NCAPH2: variants seen among roughly 807,000 people sequenced by gnomAD.
The protein encoded by NCAPH2 is condensin-2 complex subunit H2.
A neutral mutation model predicts 88.6 loss-of-function variants in NCAPH2; 56 were observed. The ratio of observed to expected loss-of-function variants is 0.63; its 90% CI spans 0.51 to 0.79. The LOEUF is 0.79. Among genes scored for constraint, NCAPH2 ranks in the 30% least tolerant of loss-of-function variants. NCAPH2 has a pLI of 0.00. For synonymous variants in NCAPH2, 378 were observed against 313.6 expected, an observed-to-expected ratio of 1.21 and a Z score of -2.17; for missense variants, 794 against 792.0, an observed-to-expected ratio of 1.00 and a Z score of -0.03.
rs2269388 is a variant in NCAPH2 at position 50,517,713 on chromosome 22, C to T, written c.352-28C>T. The T allele has an allele frequency of 6.5e-3, 10,549 of 1,614,016 alleles. 575 individuals carry two copies. In the Admixed American group the frequency reaches 0.11, roughly 17 times the overall value. ...GCCCACTGTGTGTTTGCCTGGGCTC[C>T]GCCCCCACGAGCTCTGTCTCCCTCC... is the stretch of plus-strand genomic sequence containing the variant. On this transcript the variant is annotated intron_variant, in intron 4 of 19. Transcript: ENST00000420993.
At chr22:50,513,018 G>A (rs1292194036) in intron 1 of NCAPH2, among the ~76,000 whole-genome samples, 1 of 152,220 alleles carries the variant, frequency 6.6e-6, no homozygotes, top group Non-Finnish European at 1.5e-5. Context: ...TGGGAAGACG[G>A]GTCCAAGAGA....
rs140523 is a variant in NCAPH2 at position 50,524,353 on chromosome 22, C to A, written c.*978C>A. 29 of 1,601,470 alleles carry A rather than the reference C, an allele frequency of 1.8e-5. No homozygotes were observed. The highest frequency in any genetic ancestry group is 3.3e-5 in the South Asian group (3 of 91,070). ...GCCTCCCAGGGTCCCAGGGAGGACCCGAGGCTTGAGCTGAGAGAGCCTGTG... is the reference window on the plus strand; with the variant it reads ...GCCTCCCAGGGTCCCAGGGAGGACCAGAGGCTTGAGCTGAGAGAGCCTGTG... On this transcript the variant is annotated 3_prime_UTR_variant, in exon 20 of 20. Transcript: ENST00000420993.
At chr22:50,517,370 G>C (rs1481262363) in intron 2 of NCAPH2, 57 bp from the exon 3 acceptor site, 2 of 1,578,264 alleles carry the variant, frequency 1.3e-6, no homozygotes, top group African/African-American at 2.7e-5. Context: ...TAGCTGGGAA[G>C]GCCTTGGGGG....
In NCAPH2 at chr22:50,522,886, C is replaced by A. The variant is rs752418806; in HGVS notation, c.1491C>A (p.Asp497Glu). 7 of 1,613,302 alleles carry A rather than the reference C, an allele frequency of 4.3e-6. No individual in the cohort carries two copies. The highest frequency in any genetic ancestry group is 5.9e-6 in the Non-Finnish European group (7 of 1,180,012). The stretch of plus-strand genomic sequence containing the variant: ...CAGAGCTGAGCCAGCGCATCAGGGA[C>A]TGGGAGGACACAGTGCAGCCTCTGC... The part of the protein sequence containing the change: ...QETELSQRIR[D>E]WEDTVQPLLQ... Residue 497 changes from aspartate to glutamate, a missense_variant, in exon 18 of 20, where the codon GAC becomes GAA. Coordinates refer to ENST00000420993, the MANE Select transcript of NCAPH2 (RefSeq NM_152299.4).
chr22:50,515,640 C>T (rs2068896780), intron 1 of NCAPH2: 6 of 1,088,778 alleles, frequency 5.5e-6, no homozygotes, highest in African/African-American at 5.0e-5. Flanking sequence ...TCATGATCTG[C>T]CCGCCTCGGC....
chr22:50,511,516 C>G (rs1240463430), intron 1 of NCAPH2, among the ~76,000 whole-genome samples: 1 of 142,986 alleles, frequency 7.0e-6, no homozygotes, highest in Non-Finnish European at 1.5e-5. Flanking sequence ...TGGTCTCGAT[C>G]TCCTGACCTC....
chr22:50,517,548 G>GAT, intron 3 of NCAPH2, 29 bp from the exon 4 acceptor site: 2 of 1,614,078 alleles, frequency 1.2e-6, no homozygotes, highest in African/African-American at 2.7e-5. Flanking sequence ...CAGCTCCTGG[G>GAT]ATGCCCACGG....
Position 50,523,957 on chromosome 22 carries a change from TC to T in NCAPH2, c.*584del, listed in dbSNP as rs760844614. ...CACTGGAGGCAAACCAGGCTCTGCTTCCAGCTGCCGCACCACCTGCACCAGC... is the reference window on the plus strand; with the variant it reads ...CACTGGAGGCAAACCAGGCTCTGCTTCAGCTGCCGCACCACCTGCACCAGC... On this transcript the variant is annotated 3_prime_UTR_variant, in exon 20 of 20. Coordinates refer to ENST00000420993, the MANE Select transcript of NCAPH2 (RefSeq NM_152299.4). 1 of 1,612,376 alleles carries T rather than the reference TC, an allele frequency of 6.2e-7. No homozygotes were observed. Among genetic ancestry groups the T allele is most frequent in the South Asian group, 1.1e-5 (1 of 91,064 alleles).
Position 50,523,127 on chromosome 22 carries a change from C to A in NCAPH2, c.1638C>A (p.Ala546=). 1.2e-6 allele frequency: 2 copies of A among 1,613,626 alleles called. No homozygotes were observed. Among genetic ancestry groups the A allele is most frequent in the Non-Finnish European group, 1.7e-6 (2 of 1,179,864 alleles). Residue 546 remains alanine, a synonymous_variant, in exon 19 of 20, where the codon GCC becomes GCA. Coordinates refer to ENST00000420993, the MANE Select transcript of NCAPH2 (RefSeq NM_152299.4). ...PFAELVAGQP[A]FEVCRSMLAS... is the part of the protein sequence containing the mutation. ...CGGAGCTGGTGGCTGGCCAGCCGGC[C>A]TTCGAGGTGTGTCGTTCCATGCTGG...
Position 50,509,429 on chromosome 22 carries a change from C to T in NCAPH2, c.108+984C>T, listed in dbSNP as rs569062884. Among the ~76,000 whole-genome samples, 51 of 152,258 alleles carry T rather than the reference C, an allele frequency of 3.3e-4. 1 individual carries two copies. Among genetic ancestry groups the T allele is most frequent in the African/African-American group, 1.2e-3 (50 of 41,540 alleles). Reference sequence around the variant, plus strand: ...CTTTTCCCATCTCGGAAAATGACACCGCTGTTCAACCAAAAGCAAAAGCTA... The same window carrying T: ...CTTTTCCCATCTCGGAAAATGACACTGCTGTTCAACCAAAAGCAAAAGCTA... On this transcript the variant is annotated intron_variant, in intron 1 of 19. Coordinates refer to ENST00000420993, the MANE Select transcript of NCAPH2 (RefSeq NM_152299.4).
intron 1 of NCAPH2, among the ~76,000 whole-genome samples, chr22:50,512,625 A>C (rs1229967636): frequency 4.2e-5 from 6 of 143,712 alleles, no homozygotes; most frequent in Non-Finnish European, 9.0e-5. Context: ...ATCATGGCTC[A>C]CTGCAGCCTC....
At chr22:50,513,958 T>G (rs187651641) in intron 1 of NCAPH2, among the ~76,000 whole-genome samples, 13 of 152,050 alleles carry the variant, frequency 8.5e-5, no homozygotes, top group African/African-American at 3.1e-4. Flanking sequence ...GGATTGGAGT[T>G]TTTACAAAAA....
chr22:50,521,530 G>A lies in NCAPH2; in HGVS notation c.934-13G>A. 2 of 1,613,418 alleles carry A rather than the reference G, an allele frequency of 1.2e-6. No individual in the cohort carries two copies. Among genetic ancestry groups the A allele is most frequent in the Non-Finnish European group, 1.7e-6 (2 of 1,179,942 alleles). On this transcript the variant is annotated splice_polypyrimidine_tract_variant and intron_variant, in intron 10 of 19. Coordinates refer to ENST00000420993, the MANE Select transcript of NCAPH2 (RefSeq NM_152299.4). ...CCCTACTTCTCCAGCGCCTTCTTGT[G>A]CTCTGTGCCCAGGAGACTCCAGACC...
rs28937598 is a variant in NCAPH2 at position 50,523,901 on chromosome 22, G to A, written c.*526G>A. The stretch of plus-strand genomic sequence containing the variant: ...CGGGCCATGGCTTCAACGTCGTCCC[G>A]CTCGGGGTCCACAGTGATGAAGACA... On this transcript the variant is annotated 3_prime_UTR_variant, in exon 20 of 20. Transcript: ENST00000420993. The A allele has an allele frequency of 6.2e-6, 10 of 1,613,642 alleles. No homozygotes were observed. The highest frequency in any genetic ancestry group is 4.4e-5 in the South Asian group (4 of 91,088).
In NCAPH2 at chr22:50,522,730, G is replaced by C; in HGVS notation, c.1425+10G>C. 2.5e-6 allele frequency: 4 copies of C among 1,613,394 alleles called. No homozygotes were observed. The highest frequency in any genetic ancestry group is 3.4e-6 in the Non-Finnish European group (4 of 1,179,938). ...GGTTCGAAGGAATGTGGTAGGCCTGGGTTAGAGGGAGACGGGGAGGGGAGG... is the reference window on the plus strand; with the variant it reads ...GGTTCGAAGGAATGTGGTAGGCCTGCGTTAGAGGGAGACGGGGAGGGGAGG... On this transcript the variant is annotated intron_variant, in intron 17 of 19. Coordinates refer to ENST00000420993, the MANE Select transcript of NCAPH2 (RefSeq NM_152299.4).
intron 9 of NCAPH2, chr22:50,519,728 A>T: frequency 9.7e-7 from 1 of 1,032,916 alleles, no homozygotes; most frequent in Non-Finnish European, 1.2e-6. Flanking sequence ...CTTCCTTTTT[A>T]TTCATTAAAA....
At position 50,522,861 on chromosome 22, in the gene NCAPH2, C is replaced by T; in HGVS notation, c.1466C>T (p.Thr489Ile). 1 of 1,613,482 alleles carries T rather than the reference C, an allele frequency of 6.2e-7. No individual in the cohort carries two copies. The highest frequency in any genetic ancestry group is 8.5e-7 in the Non-Finnish European group (1 of 1,179,982). ...IATSQKFVQETELSQRIRDWE... is the reference protein window; with the variant it reads ...IATSQKFVQEIELSQRIRDWE... ...ACCTCCCAGAAGTTTGTCCAGGAGA[C>T]AGAGCTGAGCCAGCGCATCAGGGAC... The change falls in exon 18 of 20, where the codon ACA (threonine) becomes ATA (isoleucine). Residue 489 changes from threonine (T) to isoleucine (I), a missense_variant. Transcript: ENST00000420993.
In NCAPH2 at chr22:50,521,726, C is replaced by T. The variant is rs368140477; in HGVS notation, c.1001-15C>T. ...ATCCCCCAGCGGCTCTAAGACAGTCCCTGTTTGCCCCCAGGTAGGCCTTAC... is the reference window on the plus strand; with the variant it reads ...ATCCCCCAGCGGCTCTAAGACAGTCTCTGTTTGCCCCCAGGTAGGCCTTAC... On this transcript the variant is annotated splice_polypyrimidine_tract_variant and intron_variant, in intron 11 of 19. Transcript: ENST00000420993. 9.3e-6 allele frequency: 15 copies of T among 1,613,544 alleles called. No homozygotes were observed. The African/African-American group carries it at 1.9e-4, about 20-fold the overall frequency.
At chr22:50,519,654 G>A (rs1051126979) in intron 9 of NCAPH2, 5 of 1,155,634 alleles carry the variant, frequency 4.3e-6, no homozygotes, top group African/African-American at 1.6e-5. Context: ...GGGAGTGTCT[G>A]GAGGCCATTG....
Sources: allele counts gnomAD v4.1 joint callset (sites outside exome capture counted in the v4.1 genomes callset), GRCh38; gene constraint gnomAD v4.1.1; transcripts MANE v1.5; gene names NCBI Gene and HGNC (gene_info 2026-07-23, HGNC 2026-07-21).